The following NRXN3 variants were observed in gnomAD, a reference collection of about 807,000 sequenced individuals.
NRXN3 encodes neurexin 3.
Under a neutral mutation model 137.6 loss-of-function variants are expected in NRXN3, and 32 were observed. The observed-to-expected ratio is 0.23, with a 90% confidence interval of 0.18 to 0.31. The LOEUF is 0.31. NRXN3 is among the 10% of genes least tolerant of loss of function. The probability of loss-of-function intolerance (pLI) is 1.00; values close to 1 mark genes in which losing one functional copy is unlikely to be tolerated. For missense variants in NRXN3, 1,574 were observed against 2,062.5 expected, an observed-to-expected ratio of 0.76 and a Z score of 4.59; for synonymous variants, 798 against 784.5, an observed-to-expected ratio of 1.02 and a Z score of -0.29.
chr14:79,853,982 T>C, intron 20 of NRXN3: 1 of 988,138 alleles, frequency 1.0e-6, no homozygotes, highest in South Asian at 4.6e-5. Context: ...AGATTTTTTT[T>C]TTCTTTTTAT....
At chr14:78,744,540 C>A (rs774459745) in intron 8 of NRXN3, 1 of 152,170 alleles carries the variant, frequency 6.6e-6, no homozygotes, top group Admixed American at 6.5e-5. Context: ...TGAAAGGGAA[C>A]AAACGTTGAA....
chr14:78,343,914 C>T (rs1314013899), intron 4 of NRXN3, among the ~76,000 whole-genome samples: 1 of 152,190 alleles, frequency 6.6e-6, no homozygotes, highest in Non-Finnish European at 1.5e-5. Context: ...CTTTAAGCTC[C>T]CTGGCAGTTC....
At chr14:79,636,198 A>G (rs1018751867) in intron 16 of NRXN3, among the ~76,000 whole-genome samples, 1 of 152,180 alleles carries the variant, frequency 6.6e-6, no homozygotes, top group Admixed American at 6.5e-5. Flanking sequence ...ATTTGCAAGT[A>G]CTAGGGATTA....
At chr14:78,251,796 A>T (rs941283436) in intron 2 of NRXN3, among the ~76,000 whole-genome samples, 3 of 152,164 alleles carry the variant, frequency 2.0e-5, no homozygotes, top group African/African-American at 7.2e-5. Flanking sequence ...AGACAGAGGG[A>T]TCACTCTAGT....
Position 79,398,521 on chromosome 14 carries a change from A to G in NRXN3, c.3263-68700A>G, listed in dbSNP as rs76893524. Among the ~76,000 whole-genome samples the G allele has an allele frequency of 1.2e-3, 177 of 152,006 alleles. 3 individuals are homozygous for G. The East Asian group carries it at 0.028, about 24-fold the overall frequency. On this transcript the variant is annotated intron_variant, in intron 15 of 20. Coordinates refer to ENST00000335750, the MANE Select transcript of NRXN3 (RefSeq NM_001330195.2). ...TATTCATTGTTTTTTTTTTTTACCA[A>G]TGAGACACTAGTAACAAAGAGAAAG...
intron 15 of NRXN3, among the ~76,000 whole-genome samples, chr14:79,316,745 TC>T (rs2088832666): frequency 6.6e-6 from 1 of 151,882 alleles, no homozygotes; most frequent in Non-Finnish European, 1.5e-5. Flanking sequence ...TCTCTCTCTC[TC>T]TCTCTCTCTC....
chr14:79,407,728 C>T (rs772666761), intron 15 of NRXN3, among the ~76,000 whole-genome samples: 9 of 152,104 alleles, frequency 5.9e-5, no homozygotes, highest in Non-Finnish European at 1.2e-4. Context: ...TTCTCAAACT[C>T]ATTCTTGGTG....
intron 20 of NRXN3, among the ~76,000 whole-genome samples, chr14:79,858,423 A>C (rs2099407369): frequency 1.3e-5 from 2 of 152,212 alleles, no homozygotes; most frequent in South Asian, 4.1e-4. Context: ...TCCCACTTAA[A>C]GGGACACTAG....
chr14:78,981,446 A>G (rs1379359409), intron 14 of NRXN3, among the ~76,000 whole-genome samples: 1 of 152,092 alleles, frequency 6.6e-6, no homozygotes, highest in African/African-American at 2.4e-5. Flanking sequence ...CTTGCCACCT[A>G]TGGATTTTGG....
At chr14:79,438,079 T>C (rs1166616149) in intron 15 of NRXN3, among the ~76,000 whole-genome samples, 1 of 152,188 alleles carries the variant, frequency 6.6e-6, no homozygotes, top group Non-Finnish European at 1.5e-5. Flanking sequence ...ACTACTCTAT[T>C]GCCTCTGGCT....
At chr14:79,276,709 TAAAA>T (rs757712972) in intron 15 of NRXN3, among the ~76,000 whole-genome samples, 1 of 122,038 alleles carries the variant, frequency 8.2e-6, no homozygotes, top group African/African-American at 3.0e-5. Context: ...CAATGCCAAT[TAAAA>T]AAAAAAAAAA....
chr14:78,230,577 G>A (rs2065259306), intron 1 of NRXN3, among the ~76,000 whole-genome samples: 1 of 152,142 alleles, frequency 6.6e-6, no homozygotes, highest in Admixed American at 6.5e-5. Flanking sequence ...AGGAGACACT[G>A]GAGTGTGGGG....
intron 19 of NRXN3, among the ~76,000 whole-genome samples, chr14:79,747,192 T>G (rs2098982400): frequency 6.6e-6 from 1 of 152,028 alleles, no homozygotes; most frequent in African/African-American, 2.4e-5. Context: ...ATAAAGTTTC[T>G]GCAAAACTAC....
intron 8 of NRXN3, 59 bp from the exon 9 acceptor site, chr14:78,803,561 G>C: frequency 6.6e-7 from 1 of 1,504,152 alleles, no homozygotes; most frequent in Non-Finnish European, 9.2e-7. Flanking sequence ...AAAGCAAAGG[G>C]GTATTTGGCA....
chr14:79,129,131 C>A (rs2057039995), intron 15 of NRXN3, among the ~76,000 whole-genome samples: 1 of 152,052 alleles, frequency 6.6e-6, no homozygotes, highest in African/African-American at 2.4e-5. Flanking sequence ...AAAACGAGCT[C>A]CTGGATTCAT....
chr14:79,769,516 C>G (rs1000811364), intron 19 of NRXN3, among the ~76,000 whole-genome samples: 2 of 152,082 alleles, frequency 1.3e-5, no homozygotes, highest in African/African-American at 4.8e-5. Flanking sequence ...TCATATCCAG[C>G]CAAACTAAGC....
At chr14:78,478,298 G>T (rs1021559648) in intron 4 of NRXN3, among the ~76,000 whole-genome samples, 2 of 152,146 alleles carry the variant, frequency 1.3e-5, no homozygotes, top group Non-Finnish European at 2.9e-5. Context: ...GAGACAAGTA[G>T]TTATGAGAAT....
chr14:79,502,591 C>A (rs930559836), intron 16 of NRXN3, among the ~76,000 whole-genome samples: 3 of 151,766 alleles, frequency 2.0e-5, no homozygotes, highest in Non-Finnish European at 2.9e-5. Flanking sequence ...TAATGTAAAC[C>A]CAGGCTTTCT....
chr14:78,782,265 G>A (rs952368102), intron 8 of NRXN3, among the ~76,000 whole-genome samples: 2 of 152,234 alleles, frequency 1.3e-5, no homozygotes, highest in Non-Finnish European at 2.9e-5. Context: ...TTAAAGAAAG[G>A]AGAGCCCTCC....
Sources: gnomAD v4.1 joint callset for allele counts (sites outside exome capture counted in the v4.1 genomes callset) on GRCh38, gnomAD v4.1.1 for gene constraint, MANE v1.5 for transcripts, NCBI Gene and HGNC (gene_info 2026-07-23, HGNC 2026-07-21) for gene names.